The following SERAC1 variants were observed in gnomAD, a reference collection of about 807,000 sequenced individuals.
SERAC1 encodes protein SERAC1.
In SERAC1, 36 loss-of-function variants were observed where a neutral mutation model predicts 85.7. The ratio of observed to expected loss-of-function variants is 0.42; its 90% CI spans 0.32 to 0.55. SERAC1 has a LOEUF of 0.55. Ranked by LOEUF, SERAC1 falls within the 20% of genes least tolerant of loss-of-function variation. SERAC1 has a pLI of 0.11. For missense variants in SERAC1, 629 were observed against 796.2 expected, an observed-to-expected ratio of 0.79 and a Z score of 2.53; for synonymous variants, 242 against 265.3, an observed-to-expected ratio of 0.91 and a Z score of 0.85.
intron 15 of SERAC1, chr6:158,114,529 T>C: frequency 8.3e-7 from 1 of 1,204,850 alleles, no homozygotes; most frequent in Non-Finnish European, 1.0e-6. Context: ...AGCAAAACAT[T>C]ATCTGATTAT....
At chr6:158,125,463 C>A (rs1267735256) in intron 10 of SERAC1, among the ~76,000 whole-genome samples, 1 of 152,170 alleles carries the variant, frequency 6.6e-6, no homozygotes, top group East Asian at 1.9e-4. Flanking sequence ...AACTTCCCAG[C>A]CTCCAGAACT....
chr6:158,114,450 T>C, intron 15 of SERAC1: 1 of 1,064,738 alleles, frequency 9.4e-7, no homozygotes, highest in Non-Finnish European at 1.1e-6. Flanking sequence ...ATTTACATTT[T>C]AACAGTTGAT....
intron 2 of SERAC1, among the ~76,000 whole-genome samples, chr6:158,157,786 T>C (rs974197335): frequency 6.6e-6 from 1 of 152,174 alleles, no homozygotes; most frequent in Non-Finnish European, 1.5e-5. Flanking sequence ...GAAAGACAGA[T>C]AATTAAGTTC....
chr6:158,137,635 G>C, intron 8 of SERAC1, among the ~76,000 whole-genome samples: 1 of 152,114 alleles, frequency 6.6e-6, no homozygotes, highest in African/African-American at 2.4e-5. Flanking sequence ...TAGCACTTTG[G>C]AAGGCTGAGG....
Position 158,114,935 on chromosome 6 carries a change from G to T in SERAC1, c.1538C>A (p.Thr513Lys). ...LVKKMLLEAS[T>K]KPEMSTVINN... ...GATAACAGTACTCATTTCTGGCTTC[G>T]TAGAGGCTTCCAACAGCATCTTTTT... Residue 513 changes from threonine (T) to lysine (K), a missense_variant, in exon 15 of 17, where the codon ACG becomes AAG. Coordinates refer to ENST00000647468, the MANE Select transcript of SERAC1 (RefSeq NM_032861.4). 6.2e-7 allele frequency: 1 copy of T among 1,613,254 alleles called. No homozygotes were observed. Among genetic ancestry groups the T allele is most frequent in the Non-Finnish European group, 8.5e-7 (1 of 1,179,694 alleles).
intron 15 of SERAC1, among the ~76,000 whole-genome samples, chr6:158,114,078 G>T (rs918306894): frequency 6.6e-6 from 1 of 151,542 alleles, no homozygotes; most frequent in African/African-American, 2.4e-5. Context: ...AAAAAAAACA[G>T]CTAGATGAGG....
chr6:158,136,808 G>A (rs1025142469), intron 8 of SERAC1, among the ~76,000 whole-genome samples: 7 of 152,150 alleles, frequency 4.6e-5, no homozygotes, highest in Admixed American at 2.6e-4. Flanking sequence ...CCAGCTTCCT[G>A]GCATATGTGA....
chr6:158,143,345 C>CTATA (rs1784973316), intron 7 of SERAC1, among the ~76,000 whole-genome samples, 161 bp from the exon 8 acceptor site: 1 of 26,426 alleles, frequency 3.8e-5, no homozygotes, highest in Non-Finnish European at 7.2e-5. Context: ...CTCTCTCTCT[C>CTATA]TCTATATATA....
chr6:158,157,834 C>A (rs916239664), intron 2 of SERAC1, among the ~76,000 whole-genome samples: 4 of 152,168 alleles, frequency 2.6e-5, no homozygotes, highest in Admixed American at 2.0e-4. Flanking sequence ...ACAGATCCAA[C>A]CGGGCCTAGG....
At chr6:158,167,492 C>A (rs1241469904) in intron 1 of SERAC1, among the ~76,000 whole-genome samples, 1 of 141,156 alleles carries the variant, frequency 7.1e-6, no homozygotes, top group Non-Finnish European at 1.5e-5. Context: ...GAGCCCAGAT[C>A]GCGCCACTGC....
At chr6:158,113,638 T>C in intron 15 of SERAC1, 46 bp from the exon 16 acceptor site, 1 of 1,515,716 alleles carries the variant, frequency 6.6e-7, no homozygotes, top group South Asian at 1.3e-5. Context: ...GTTTACCCAA[T>C]TCATAATAAA....
intron 6 of SERAC1, chr6:158,145,394 T>C (rs914988654): frequency 1.3e-5 from 2 of 152,186 alleles, no homozygotes; most frequent in Non-Finnish European, 2.9e-5. Flanking sequence ...AATATTTCTA[T>C]TCTAAATCTC....
chr6:158,114,901 G>A lies in SERAC1; in HGVS notation c.1572C>T (p.Thr524=). 5 of 1,613,654 alleles carry A rather than the reference G, an allele frequency of 3.1e-6. No individual in the cohort carries two copies. Among genetic ancestry groups the A allele is most frequent in the Non-Finnish European group, 4.2e-6 (5 of 1,179,736 alleles). ...GGACACTATAAAAAATTATTCCTCTGGTATTGTTGATAACAGTACTCATTT... is the reference window on the plus strand; with the variant it reads ...GGACACTATAAAAAATTATTCCTCTAGTATTGTTGATAACAGTACTCATTT... ...KPEMSTVINN[T]RGIIFYSVPH... Residue 524 remains threonine (T), a synonymous_variant, in exon 15 of 17, where the codon ACC becomes ACT. Coordinates refer to ENST00000647468, the MANE Select transcript of SERAC1 (RefSeq NM_032861.4).
At chr6:158,166,728 C>T (rs919452644) in intron 1 of SERAC1, among the ~76,000 whole-genome samples, 1 of 152,068 alleles carries the variant, frequency 6.6e-6, no homozygotes, top group Admixed American at 6.5e-5. Flanking sequence ...TTTCTAGGTA[C>T]CTTTAGTTTT....
intron 1 of SERAC1, among the ~76,000 whole-genome samples, chr6:158,160,406 G>C (rs1443684310): frequency 1.2e-4 from 18 of 152,248 alleles, no homozygotes; most frequent in Non-Finnish European, 2.9e-5. Context: ...AATGTGAAAA[G>C]ATATGCCATC....
chr6:158,114,715 A>AATATAAAATGAGATAATACATTCAAGGG, intron 15 of SERAC1, 74 bp downstream of exon 15: 1 of 1,595,072 alleles, frequency 6.3e-7, no homozygotes, highest in Non-Finnish European at 8.6e-7. Context: ...ACATTCAAGG[A>AATATAAAATGAGATAATACATTCAAGGG]AGAAACTTTT....
Position 158,117,426 on chromosome 6 carries a change from C to T in SERAC1, c.1403+301G>A, listed in dbSNP as rs768958402. On this transcript the variant is annotated intron_variant, in intron 13 of 16. Coordinates refer to ENST00000647468, the MANE Select transcript of SERAC1 (RefSeq NM_032861.4). The surrounding 1 kb of genome is among the most constrained non-coding windows in gnomAD (Gnocchi z 4.3). ...TGTGGACACAAGAACAAAAAAACAT[C>T]ACTTTTACTTCTGATAGAAAAGGAG... 3.2e-5 allele frequency: 41 copies of T among 1,267,438 alleles called. No homozygotes were observed. Among genetic ancestry groups the T allele is most frequent in the Admixed American group, 1.1e-4 (4 of 37,574 alleles). The allele number at this position is 1,267,438 out of a possible 1,614,324, so 78.5% of individuals were successfully genotyped here.
intron 1 of SERAC1, chr6:158,161,620 T>C (rs924006094): frequency 6.6e-6 from 1 of 151,980 alleles, no homozygotes; most frequent in Non-Finnish European, 1.5e-5. Context: ...ACAACTTGTA[T>C]TAGTAATTTT....
At chr6:158,118,457 G>A (rs1784342972) in intron 12 of SERAC1, among the ~76,000 whole-genome samples, 1 of 151,966 alleles carries the variant, frequency 6.6e-6, no homozygotes, top group Non-Finnish European at 1.5e-5. Flanking sequence ...TCAAAGAAAT[G>A]TAAAGTATTA....
Sources: allele counts gnomAD v4.1 joint callset (sites outside exome capture counted in the v4.1 genomes callset), GRCh38; gene constraint gnomAD v4.1.1; non-coding constraint Gnocchi (gnomAD v3.1); transcripts MANE v1.5; gene names NCBI Gene and HGNC (gene_info 2026-07-23, HGNC 2026-07-21).